ZNF260: variants seen among roughly 807,000 people sequenced by gnomAD.
ZNF260 encodes the protein zfp-260.
Under a neutral mutation model 29.3 loss-of-function variants are expected in ZNF260, and 21 were observed. The observed-to-expected ratio is 0.72, with a 90% CI of 0.51 to 1.03. ZNF260 has a LOEUF of 1.03. Among genes scored for constraint, ZNF260 ranks in the 50% least tolerant of loss-of-function variants. The probability of loss-of-function intolerance (pLI) is 0.00; values close to 1 mark genes in which losing one functional copy is unlikely to be tolerated. For synonymous variants in ZNF260, 156 were observed against 156.8 expected, an observed-to-expected ratio of 0.99 and a Z score of 0.04; for missense variants, 465 against 487.8, an observed-to-expected ratio of 0.95 and a Z score of 0.44.
intron 2 of ZNF260, chr19:36,517,283 T>A (rs1041656366): frequency 2.0e-5 from 3 of 152,470 alleles, no homozygotes; most frequent in African/African-American, 2.4e-5. Context: ...TAGTCTTAGT[T>A]ACTTGGGAGG....
chr19:36,521,912 G>C (rs1236853348), intron 2 of ZNF260, among the ~76,000 whole-genome samples: 2 of 151,810 alleles, frequency 1.3e-5, no homozygotes, highest in Non-Finnish European at 2.9e-5. Context: ...AGCTATGCTT[G>C]GTGGTGGGCG....
intron 2 of ZNF260, among the ~76,000 whole-genome samples, chr19:36,521,210 C>T (rs2034640216): frequency 6.6e-6 from 1 of 152,030 alleles, no homozygotes; most frequent in African/African-American, 2.4e-5. Context: ...TTTTGTTTTC[C>T]ACTTACTTTT....
intron 2 of ZNF260, among the ~76,000 whole-genome samples, chr19:36,522,998 C>A (rs1038295655): frequency 6.6e-6 from 1 of 152,056 alleles, no homozygotes; most frequent in African/African-American, 2.4e-5. Context: ...CCAGCCTGGA[C>A]CTCTCTCCTC....
At position 36,518,547 on chromosome 19, in the gene ZNF260, G is replaced by A. The variant is rs188995590; in HGVS notation, c.-461-2848C>T. Among the ~76,000 whole-genome samples the A allele has an allele frequency of 2.6e-5, 4 of 152,190 alleles. No individual in the cohort carries two copies. In the East Asian group the frequency reaches 7.7e-4, roughly 29 times the overall value. On this transcript the variant is annotated intron_variant, in intron 2 of 2. Transcript: ENST00000523638. The stretch of plus-strand genomic sequence containing the variant: ...TAGAAAATCTCCTAGAATAAAAAAA[G>A]GAAGAATGGAGGAAGGCAGAAAGAA...
rs552762595 is a variant in ZNF260, at chr19:36,514,233, C to T, written c.1006G>A (p.Val336Ile). The change falls in exon 3 of 3, where the codon GTC becomes ATC. Residue 336 changes from valine to isoleucine, a missense_variant. Val to Ile is a conservative substitution (Grantham distance 29). Transcript: ENST00000523638. ...HTGDKPYECK[V>I]CGKAFCQSSS... ...CTTTGACAGAAGGCTTTCCCACAGA[C>T]CTTACACTCATAAGGCTTATCACCT... 4.0e-5 allele frequency: 64 copies of T among 1,614,076 alleles called. 1 individual carries two copies. The South Asian group carries it at 6.5e-4, about 16-fold the overall frequency.
At chr19:36,522,277 AAACCCTGTCTCTACT>A (rs1160834846) in intron 2 of ZNF260, among the ~76,000 whole-genome samples, 1 of 151,994 alleles carries the variant, frequency 6.6e-6, no homozygotes, top group Non-Finnish European at 1.5e-5. Flanking sequence ...CAACATAGTG[AAACCCTGTCTCTACT>A]AGAAATACAA....
Position 36,513,401 on chromosome 19 carries a change from G to A in ZNF260, c.*599C>T. 5.1e-6 allele frequency: 1 copy of A among 197,360 alleles called. No individual in the cohort carries two copies. Among genetic ancestry groups the A allele is most frequent in the East Asian group, 1.1e-4 (1 of 8,704 alleles). 12.2% of individuals were successfully genotyped at this position (197,360 alleles called of 1,614,324 possible). ...TCTTTAGTACTTTAAGAATTCATAA[G>A]AAAAATATTTTATATTATGATGGGA... On this transcript the variant is annotated 3_prime_UTR_variant, in exon 3 of 3. Transcript: ENST00000523638.
chr19:36,518,059 G>A (rs2034581741), intron 2 of ZNF260: 1 of 151,998 alleles, frequency 6.6e-6, no homozygotes, highest in Non-Finnish European at 1.5e-5. Flanking sequence ...TTGAACTCCT[G>A]ACCTCATGAT....
At chr19:36,527,468 C>T (rs1260830478) in intron 1 of ZNF260, among the ~76,000 whole-genome samples, 1 of 152,110 alleles carries the variant, frequency 6.6e-6, no homozygotes, top group Non-Finnish European at 1.5e-5. Flanking sequence ...AGAATTTCCC[C>T]TATATTTACA....
intron 2 of ZNF260, 68 bp downstream of exon 2, chr19:36,525,087 A>G (rs1177404970): frequency 6.6e-6 from 1 of 152,432 alleles, no homozygotes; most frequent in African/African-American, 2.4e-5. Flanking sequence ...AAAAAACCCC[A>G]CAACAACTCA....
intron 2 of ZNF260, among the ~76,000 whole-genome samples, chr19:36,516,087 G>A (rs1600209481): frequency 6.6e-6 from 1 of 151,974 alleles, no homozygotes; most frequent in East Asian, 1.9e-4. Context: ...GGCCAGGATG[G>A]TCTCAAACTC....
Position 36,515,081 on chromosome 19 carries a change from T to TTC in ZNF260, c.156_157dup (p.Lys53ArgfsTer272). 1 of 1,614,122 alleles carries TTC rather than the reference T, an allele frequency of 6.2e-7. No homozygotes were observed. The highest frequency in any genetic ancestry group is 8.5e-7 in the Non-Finnish European group (1 of 1,180,008). On this transcript the variant is annotated frameshift_variant, in exon 3 of 3. Transcript: ENST00000523638. LOFTEE classifies it high-confidence loss of function. ...ACCACATTCAGTGCATTCATGAGAT[T>TTC]TCTCTCCAGTATGCATTTTCTTATG...
chr19:36,527,670 T>C (rs2034758521), intron 1 of ZNF260, among the ~76,000 whole-genome samples: 1 of 152,102 alleles, frequency 6.6e-6, no homozygotes, highest in African/African-American at 2.4e-5. Flanking sequence ...CACCAAAGTT[T>C]CTCCAAAGTA....
chr19:36,523,946 A>G (rs1459704556), intron 2 of ZNF260, among the ~76,000 whole-genome samples: 3 of 152,100 alleles, frequency 2.0e-5, no homozygotes, highest in African/African-American at 7.2e-5. Context: ...CTAAGCCTGT[A>G]ATATTGTTAA....
At chr19:36,515,907 T>C (rs2034541678) in intron 2 of ZNF260, among the ~76,000 whole-genome samples, 1 of 152,106 alleles carries the variant, frequency 6.6e-6, no homozygotes, top group Admixed American at 6.6e-5. Flanking sequence ...ATTTCGCTCT[T>C]GTTGCCCAGG....
At chr19:36,525,854 G>A (rs897631503) in intron 1 of ZNF260, among the ~76,000 whole-genome samples, 9 of 151,638 alleles carry the variant, frequency 5.9e-5, no homozygotes, top group Non-Finnish European at 1.3e-4. Context: ...CTTATTTTCA[G>A]AATTTAGGTT....
In ZNF260 at chr19:36,513,966, C is replaced by A. The variant is rs532230815; in HGVS notation, c.*34G>T. 3 of 1,578,772 alleles carry A rather than the reference C, an allele frequency of 1.9e-6. No individual in the cohort carries two copies. Among genetic ancestry groups the A allele is most frequent in the East Asian group, 4.5e-5 (2 of 44,390 alleles). ...ACTATTAAGTGTAAAATCTGCTGAA[C>A]GTTTTGCTAAATCCAAGGCATTCAT... On this transcript the variant is annotated 3_prime_UTR_variant, in exon 3 of 3. Transcript: ENST00000523638.
chr19:36,511,999 TTC>T lies in ZNF260; in HGVS notation c.*1999_*2000del, dbSNP rs1391389802. 3 of 152,184 alleles carry T rather than the reference TTC, an allele frequency of 2.0e-5. No individual in the cohort carries two copies. The highest frequency in any genetic ancestry group is 7.2e-5 in the African/African-American group (3 of 41,452). The allele number at this position is 152,184 out of a possible 1,614,324, so 9.4% of individuals were successfully genotyped here. A position where few individuals can be genotyped will look rare whatever the true frequency, so the allele number is the denominator to read the frequency against. Reference sequence around the variant, plus strand: ...TACTGGTTATGCAGAGTATTAAAATTTCTGATAAATGTTTTAGTAAAAACTAA... The same window carrying T: ...TACTGGTTATGCAGAGTATTAAAATTTGATAAATGTTTTAGTAAAAACTAA... On this transcript the variant is annotated 3_prime_UTR_variant, in exon 3 of 3. Transcript: ENST00000523638.
chr19:36,518,956 A>T (rs981346434), intron 2 of ZNF260, among the ~76,000 whole-genome samples: 1 of 152,008 alleles, frequency 6.6e-6, no homozygotes, highest in Admixed American at 6.6e-5. Flanking sequence ...AGATGGTACG[A>T]TGGCTTGAGC....
Sources: allele counts gnomAD v4.1 joint callset (sites outside exome capture counted in the v4.1 genomes callset), GRCh38; gene constraint gnomAD v4.1.1; transcripts MANE v1.5; gene names NCBI Gene and HGNC (gene_info 2026-07-23, HGNC 2026-07-21).